Variants in CACNA1B observed in about 807,000 individuals in gnomAD.
The protein encoded by CACNA1B is voltage-dependent N-type calcium channel subunit alpha-1B.
CACNA1B carries 70 observed loss-of-function variants against 247.2 expected under a neutral mutation model. The ratio of observed to expected loss-of-function variants is 0.28; its 90% CI spans 0.23 to 0.35. The LOEUF (loss-of-function observed/expected upper bound fraction) is 0.35. Among genes scored for constraint, CACNA1B ranks in the 10% least tolerant of loss-of-function variants. The pLI is 1.00. For synonymous variants in CACNA1B, 1,231 were observed against 1,294.4 expected, an observed-to-expected ratio of 0.95 and a Z score of 1.05; for missense variants, 2,367 against 3,197.4, an observed-to-expected ratio of 0.74 and a Z score of 6.26.
In CACNA1B at chr9:137,974,171, T is replaced by C. The variant is rs1958190640; in HGVS notation, c.1544-1736T>C. Among the ~76,000 whole-genome samples, 1 of 152,160 alleles carries C rather than the reference T, an allele frequency of 6.6e-6. No individual in the cohort carries two copies. Among genetic ancestry groups the C allele is most frequent in the Non-Finnish European group, 1.5e-5 (1 of 68,022 alleles). ...TGCACTGGACTGCAGGGGTCACGGC[T>C]TTCCTGCCACATCTCACACCTGGTG... is the stretch of plus-strand genomic sequence containing the variant. On this transcript the variant is annotated intron_variant, in intron 11 of 46. Coordinates refer to ENST00000371372, the MANE Select transcript of CACNA1B (RefSeq NM_000718.4). The surrounding 1 kb of genome is among the most constrained non-coding windows in gnomAD (Gnocchi z 4.5).
At chr9:137,893,111 T>TG (rs1748050367) in intron 3 of CACNA1B, among the ~76,000 whole-genome samples, 1 of 152,094 alleles carries the variant, frequency 6.6e-6, no homozygotes, top group South Asian at 2.1e-4. Context: ...TCCACGGACT[T>TG]GCCAGGATCC....
In CACNA1B at chr9:138,012,257, G is replaced by A. The variant is rs79723776; in HGVS notation, c.2161-872G>A. 2.5e-3 allele frequency among the ~76,000 whole-genome samples: 383 copies of A among 152,310 alleles called. 2 individuals are homozygous for A. The highest frequency in any genetic ancestry group is 0.014 in the Middle Eastern group (4 of 294). On this transcript the variant is annotated intron_variant, in intron 17 of 46. Coordinates refer to ENST00000371372, the MANE Select transcript of CACNA1B (RefSeq NM_000718.4). The surrounding 1 kb of genome is among the most constrained non-coding windows in gnomAD (Gnocchi z 4.2). ...AGGCAGAAAAGCTCAAAGATGGTGC[G>A]TGGCCCCACTGGACACCCTCCTGGT...
chr9:137,967,361 C>T (rs1426109239), intron 10 of CACNA1B, among the ~76,000 whole-genome samples: 1 of 152,204 alleles, frequency 6.6e-6, no homozygotes, highest in Admixed American at 6.5e-5. Flanking sequence ...TGAGGGTGTT[C>T]ACTTTTCATT....
At chr9:137,929,526 G>A in intron 6 of CACNA1B, among the ~76,000 whole-genome samples, 1 of 152,140 alleles carries the variant, frequency 6.6e-6, no homozygotes, top group Non-Finnish European at 1.5e-5. Context: ...CTGCACTCTA[G>A]CCTGTGTAAC....
intron 38 of CACNA1B, among the ~76,000 whole-genome samples, chr9:138,105,481 C>T (rs1417399470): frequency 6.6e-6 from 1 of 152,176 alleles, no homozygotes; most frequent in Non-Finnish European, 1.5e-5. Flanking sequence ...TTTCTGCAGC[C>T]AGGAGGGTCC....
At chr9:137,938,895 A>T (rs1234260689) in intron 6 of CACNA1B, among the ~76,000 whole-genome samples, 4 of 152,106 alleles carry the variant, frequency 2.6e-5, no homozygotes, top group African/African-American at 9.7e-5. Flanking sequence ...CAACATGGTG[A>T]AACCCTGTCT....
chr9:137,991,299 A>T (rs984469066), intron 15 of CACNA1B, among the ~76,000 whole-genome samples: 1 of 152,228 alleles, frequency 6.6e-6, no homozygotes, highest in Non-Finnish European at 1.5e-5. Flanking sequence ...GGAAAGTCTC[A>T]GCAATAGAAT....
chr9:138,059,074 G>T lies in CACNA1B; in HGVS notation c.4474-5G>T. On this transcript the variant is annotated splice_region_variant and splice_polypyrimidine_tract_variant and intron_variant, in intron 29 of 46. Transcript: ENST00000371372. This position sits in a 1 kb window ranked among gnomAD's most constrained non-coding sequence, Gnocchi z 4.2. ...CATGGCCAACAGTGCCTATTCCCCG[G>T]GCAGTTCTATGATGCACCCTATGAG... 6.3e-7 allele frequency: 1 copy of T among 1,580,790 alleles called. No individual in the cohort carries two copies. Among genetic ancestry groups the T allele is most frequent in the South Asian group, 1.1e-5 (1 of 89,994 alleles).
chr9:137,985,954 C>T (rs1024773281), intron 13 of CACNA1B, among the ~76,000 whole-genome samples: 2 of 152,234 alleles, frequency 1.3e-5, no homozygotes, highest in Admixed American at 6.5e-5. Context: ...CCGGCCACAG[C>T]GCTTGCAGAT....
At chr9:137,956,915 C>T (rs766114117) in intron 9 of CACNA1B, 88 bp downstream of exon 9, 32 of 1,106,942 alleles carry the variant, frequency 2.9e-5, no homozygotes, top group East Asian at 4.7e-5. Context: ...ATGTTTCACG[C>T]GAAGTGCTCT....
In CACNA1B at chr9:137,884,957, TCC is replaced by T. The variant is rs370592773; in HGVS notation, c.530+2084_530+2085del. 1.7e-4 allele frequency among the ~76,000 whole-genome samples: 10 copies of T among 60,432 alleles called. 1 individual carries two copies. Among genetic ancestry groups the T allele is most frequent in the Admixed American group, 3.1e-4 (2 of 6,396 alleles). 39.6% of individuals were successfully genotyped at this position (60,432 alleles called of 152,430 possible). On this transcript the variant is annotated intron_variant, in intron 3 of 46. Coordinates refer to ENST00000371372, the MANE Select transcript of CACNA1B (RefSeq NM_000718.4). ...TCTCCCTCTCCCTCCTCTCCCCTCT[TCC>T]CCCCCCCCCTCCTCCCACTTTGCCT...
rs1346713604 is a variant in CACNA1B, at chr9:138,059,757, C to T, written c.4668+20C>T. On this transcript the variant is annotated intron_variant, in intron 31 of 46. Coordinates refer to ENST00000371372, the MANE Select transcript of CACNA1B (RefSeq NM_000718.4). The surrounding 1 kb of genome is among the most constrained non-coding windows in gnomAD (Gnocchi z 4.2). ...ATTGCGGTAAGTAGCATTTCTGTCC[C>T]TCCTTCAGGGTCCCCAGGTGGTTTC... 2.1e-6 allele frequency: 3 copies of T among 1,441,064 alleles called. No individual in the cohort carries two copies. Among genetic ancestry groups the T allele is most frequent in the Non-Finnish European group, 2.9e-6 (3 of 1,022,446 alleles). 89.3% of individuals were successfully genotyped at this position (1,441,064 alleles called of 1,614,324 possible). A position where few individuals can be genotyped will look rare whatever the true frequency, so the allele number is the denominator to read the frequency against.
At chr9:137,916,055 C>T (rs1201817577) in intron 5 of CACNA1B, among the ~76,000 whole-genome samples, 16 of 130,948 alleles carry the variant, frequency 1.2e-4, no homozygotes, top group South Asian at 7.2e-4. Flanking sequence ...TTTTTTGAGA[C>T]GGAGTCTCAC....
chr9:138,116,802 C>G (rs1961882665), intron 42 of CACNA1B, among the ~76,000 whole-genome samples: 2 of 152,186 alleles, frequency 1.3e-5, no homozygotes, highest in Non-Finnish European at 2.9e-5. Context: ...GTTCTCCTAA[C>G]CACCCCTCCT....
chr9:138,106,368 C>T (rs1437725489), intron 39 of CACNA1B, among the ~76,000 whole-genome samples: 1 of 152,184 alleles, frequency 6.6e-6, no homozygotes, highest in Non-Finnish European at 1.5e-5. Context: ...TGTGCCAAGC[C>T]TCACTTACGT....
Position 137,914,954 on chromosome 9 carries a change from G to A in CACNA1B, c.775+148G>A, listed in dbSNP as rs1653880833. The A allele has an allele frequency of 1.3e-6, 1 of 748,874 alleles. No individual in the cohort carries two copies. Among genetic ancestry groups the A allele is most frequent in the Non-Finnish European group, 2.1e-6 (1 of 478,306 alleles). The allele number at this position is 748,874 out of a possible 1,614,324, so 46.4% of individuals were successfully genotyped here. On this transcript the variant is annotated intron_variant, in intron 5 of 46. Transcript: ENST00000371372. The surrounding 1 kb of genome is among the most constrained non-coding windows in gnomAD (Gnocchi z 4.3). The stretch of plus-strand genomic sequence containing the variant: ...ATTCTAGTGGGGGACATAGACGATA[G>A]CCTGATAAACACAAGTAAATAAACA...
chr9:138,052,263 T>TATGC lies in CACNA1B; in HGVS notation c.3807+81_3807+84dup, dbSNP rs1337193191. On this transcript the variant is annotated intron_variant, in intron 25 of 46. Transcript: ENST00000371372. This position sits in a 1 kb window ranked among gnomAD's most constrained non-coding sequence, Gnocchi z 5.1. Reference sequence around the variant, plus strand: ...GTGTGTGTGTGCGTGTGTGTGTGTGTATGCATGCAGTGCATGAGTGTGTGT... The same window carrying TATGC: ...GTGTGTGTGTGCGTGTGTGTGTGTGTATGCATGCATGCAGTGCATGAGTGTGTGT... 1.1e-5 allele frequency: 9 copies of TATGC among 812,898 alleles called. No individual in the cohort carries two copies. The East Asian group carries it at 2.1e-4, about 19-fold the overall frequency. The allele number at this position is 812,898 out of a possible 1,614,324, so 50.4% of individuals were successfully genotyped here.
intron 31 of CACNA1B, chr9:138,068,629 C>T (rs773135482): frequency 6.6e-5 from 34 of 518,718 alleles, no homozygotes; most frequent in Non-Finnish European, 7.7e-6. Context: ...CTTTATTCAT[C>T]AAATACAGTG....
At chr9:138,031,814 G>A (rs1047176979) in intron 20 of CACNA1B, among the ~76,000 whole-genome samples, 1 of 152,058 alleles carries the variant, frequency 6.6e-6, no homozygotes, top group African/African-American at 2.4e-5. Flanking sequence ...ATGTAGATAT[G>A]TTCAGTCCTG....
Sources: allele counts gnomAD v4.1 joint callset (sites outside exome capture counted in the v4.1 genomes callset), GRCh38; gene constraint gnomAD v4.1.1; non-coding constraint Gnocchi (gnomAD v3.1); transcripts MANE v1.5; gene names NCBI Gene and HGNC (gene_info 2026-07-23, HGNC 2026-07-21).